The following NAV1 variants were observed in gnomAD, a reference collection of about 807,000 sequenced individuals.
The protein encoded by NAV1 is neuron navigator 1.
In NAV1, 18 loss-of-function variants were observed where a neutral mutation model predicts 175.2. The ratio of observed to expected loss-of-function variants is 0.10; its 90% CI spans 0.07 to 0.15. The LOEUF is 0.15. Ranked by LOEUF, NAV1 falls within the 10% of genes least tolerant of loss-of-function variation. The pLI is 1.00. For missense variants in NAV1, 1,731 were observed against 2,436.6 expected (o/e 0.71, Z 6.10); for synonymous variants, 897 against 978.7 (o/e 0.92, Z 1.56).
At chr1:201,565,353 G>A (rs1020976914) in intron 1 of NAV1, among the ~76,000 whole-genome samples, 3 of 152,206 alleles carry the variant, frequency 2.0e-5, no homozygotes, top group African/African-American at 7.2e-5. Context: ...TTTCTTCTGG[G>A]CTCATTGTCA....
At chr1:201,551,678 T>C (rs1665859244) in intron 1 of NAV1, among the ~76,000 whole-genome samples, 1 of 152,256 alleles carries the variant, frequency 6.6e-6, no homozygotes, top group Admixed American at 6.5e-5. Context: ...AAAGCTACTT[T>C]AAAGTACACC....
At chr1:201,755,605 G>T (rs1488881112) in intron 3 of NAV1, among the ~76,000 whole-genome samples, 1 of 152,164 alleles carries the variant, frequency 6.6e-6, no homozygotes, top group East Asian at 1.9e-4. Flanking sequence ...CCAGATATAG[G>T]CTAGGAAAAC....
chr1:201,690,489 C>G (rs1011644987), intron 1 of NAV1, among the ~76,000 whole-genome samples: 2 of 145,972 alleles, frequency 1.4e-5, no homozygotes, highest in African/African-American at 2.6e-5. Flanking sequence ...TCTATTTCCT[C>G]TCTGGCCTGT....
chr1:201,726,275 T>A (rs1409595048), intron 3 of NAV1, among the ~76,000 whole-genome samples: 7 of 152,192 alleles, frequency 4.6e-5, no homozygotes, highest in Admixed American at 4.6e-4. Flanking sequence ...AAGGTAATCA[T>A]TTTTGCCTTA....
At chr1:201,815,232 A>G (rs778419828) in intron 28 of NAV1, among the ~76,000 whole-genome samples, 3 of 152,090 alleles carry the variant, frequency 2.0e-5, no homozygotes, top group Non-Finnish European at 4.4e-5. Context: ...AAAATTATTC[A>G]GTTGTAAAAA....
chr1:201,702,608 G>A (rs981730840), intron 1 of NAV1, among the ~76,000 whole-genome samples: 1 of 151,908 alleles, frequency 6.6e-6, no homozygotes. Flanking sequence ...GACCTCAAGT[G>A]ATCCACCAGC....
rs1033605716 is a variant in NAV1 at position 201,699,842 on chromosome 1, A to G, written c.758-12975A>G. Among the ~76,000 whole-genome samples the G allele has an allele frequency of 3.3e-4, 51 of 152,264 alleles. 1 individual carries two copies. The highest frequency in any genetic ancestry group is 1.1e-3 in the African/African-American group (47 of 41,478). On this transcript the variant is annotated intron_variant, in intron 1 of 29. Transcript: ENST00000367296. ...TGTGACAAAAACAAGAAATGGGGAA[A>G]GGATTCCCTGTGTAATAAATGATGC...
At chr1:201,758,693 G>A (rs957517774) in intron 3 of NAV1, among the ~76,000 whole-genome samples, 3 of 152,204 alleles carry the variant, frequency 2.0e-5, no homozygotes, top group African/African-American at 4.8e-5. Context: ...GTGGAACACC[G>A]TTTGGAAAGC....
In NAV1 at chr1:201,808,364, T is replaced by C; in HGVS notation, c.3846-54T>C. The C allele has an allele frequency of 6.4e-7, 1 of 1,551,260 alleles. No individual in the cohort carries two copies. Among genetic ancestry groups the C allele is most frequent in the Admixed American group, 1.9e-5 (1 of 52,724 alleles). On this transcript the variant is annotated intron_variant, in intron 18 of 29. Coordinates refer to ENST00000367296, the Ensembl canonical transcript of NAV1. The surrounding 1 kb of genome is among the most constrained non-coding windows in gnomAD (Gnocchi z 5.5). ...ACCAACCATGCCTCTCAATATTCTC[T>C]AGTAACTCTAGTGCTTCTTCATGTA...
chr1:201,679,668 A>G (rs903817957), intron 1 of NAV1, among the ~76,000 whole-genome samples: 3 of 152,210 alleles, frequency 2.0e-5, no homozygotes, highest in African/African-American at 7.2e-5. Flanking sequence ...CAAATGAGGA[A>G]ACTGAGGCAG....
Position 201,801,957 on chromosome 1 carries a change from G to A in NAV1, c.3518-1636G>A, listed in dbSNP as rs190691152. Among the ~76,000 whole-genome samples, 892 of 150,624 alleles carry A rather than the reference G, an allele frequency of 5.9e-3. 6 individuals are homozygous for A. Among genetic ancestry groups the A allele is most frequent in the African/African-American group, 0.02 (839 of 41,156 alleles). On this transcript the variant is annotated intron_variant, in intron 15 of 29. Coordinates refer to ENST00000367296, the Ensembl canonical transcript of NAV1. ...TTGAGACCAGCCTGGCCAACATGGC[G>A]AAACCCCGTCTCTACTAAAAATACA...
At chr1:201,721,100 T>C (rs1274888148) in intron 3 of NAV1, among the ~76,000 whole-genome samples, 1 of 151,524 alleles carries the variant, frequency 6.6e-6, no homozygotes, top group African/African-American at 2.4e-5. Context: ...GAGACTAGCA[T>C]GAATAAGAAC....
chr1:201,703,981 C>A (rs530905893), intron 1 of NAV1, among the ~76,000 whole-genome samples: 55 of 152,340 alleles, frequency 3.6e-4, no homozygotes, highest in South Asian at 8.3e-4. Flanking sequence ...CCCCAGGGGA[C>A]TGGAGCAGAA....
chr1:201,674,775 A>T (rs1433708334), intron 1 of NAV1, among the ~76,000 whole-genome samples: 9 of 152,090 alleles, frequency 5.9e-5, no homozygotes, highest in Non-Finnish European at 1.3e-4. Flanking sequence ...GGTGGCTCAC[A>T]CCTGTAATCT....
upstream of NAV1, among the ~76,000 whole-genome samples, chr1:201,620,588 A>G (rs1002547734): frequency 6.8e-6 from 1 of 147,670 alleles, no homozygotes; most frequent in Non-Finnish European, 1.5e-5. Context: ...CTTTTTGAGT[A>G]GCTGGGACTA....
At position 201,782,872 on chromosome 1, in the gene NAV1, AC is replaced by A. The variant is rs768667660; in HGVS notation, c.2357+6del. The stretch of plus-strand genomic sequence containing the variant: ...GAGCTGCCACCAACCCCTCTCAGGT[AC>A]CCAATGTGGGCAGCCGCCTCCTTGT... On this transcript the variant is annotated splice_donor_region_variant and intron_variant, in intron 6 of 29. Transcript: ENST00000367296. The surrounding 1 kb of genome is among the most constrained non-coding windows in gnomAD (Gnocchi z 5.4). 2.6e-6 allele frequency: 4 copies of A among 1,564,220 alleles called. No individual in the cohort carries two copies. Among genetic ancestry groups the A allele is most frequent in the Admixed American group, 1.9e-5 (1 of 52,196 alleles).
chr1:201,606,419 T>C (rs553638850), intron 2 of NAV1, among the ~76,000 whole-genome samples: 17 of 152,302 alleles, frequency 1.1e-4, no homozygotes, highest in African/African-American at 4.1e-4. Flanking sequence ...TTGCTGGCAC[T>C]TTCCTCACTA....
chr1:201,801,773 AAT>A (rs1677882750), intron 15 of NAV1, among the ~76,000 whole-genome samples: 1 of 152,202 alleles, frequency 6.6e-6, no homozygotes, highest in Non-Finnish European at 1.5e-5. Flanking sequence ...AAAATCAGAT[AAT>A]ATTTTGCCTT....
chr1:201,557,081 A>G (rs149902206), intron 1 of NAV1, among the ~76,000 whole-genome samples: 10 of 150,020 alleles, frequency 6.7e-5, no homozygotes, highest in Non-Finnish European at 1.3e-4. Context: ...TGTTTCTCTT[A>G]GGAAGCCCTA....
Sources: gnomAD v4.1 joint callset for allele counts (sites outside exome capture counted in the v4.1 genomes callset) on GRCh38, gnomAD v4.1.1 for gene constraint, Gnocchi (gnomAD v3.1) non-coding constraint, MANE v1.5 for transcripts, NCBI Gene and HGNC (gene_info 2026-07-23, HGNC 2026-07-21) for gene names.